MYT1L: variants seen among roughly 807,000 people sequenced by gnomAD.
MYT1L encodes the protein myelin transcription factor 1 like.
MYT1L carries 12 observed loss-of-function variants against 126.7 expected under a neutral mutation model. That is an observed-to-expected ratio of 0.09 (90% confidence interval 0.06 to 0.15). The LOEUF is 0.15. Ranked by LOEUF, MYT1L falls within the 10% of genes least tolerant of loss-of-function variation. MYT1L has a pLI of 1.00. For synonymous variants in MYT1L, 541 were observed against 604.2 expected, an observed-to-expected ratio of 0.90 and a Z score of 1.53; for missense variants, 979 against 1,585.2, an observed-to-expected ratio of 0.62 and a Z score of 6.49.
At chr2:2,074,683 C>G (rs1271486114) in intron 3 of MYT1L, among the ~76,000 whole-genome samples, 2 of 152,036 alleles carry the variant, frequency 1.3e-5, no homozygotes, top group African/African-American at 2.4e-5. Context: ...CTAAAATGAC[C>G]ATGAGATTAA....
intron 4 of MYT1L, among the ~76,000 whole-genome samples, chr2:2,017,058 G>A (rs895376261): frequency 6.6e-6 from 1 of 152,212 alleles, no homozygotes; most frequent in African/African-American, 2.4e-5. Flanking sequence ...CAGCCAGGTG[G>A]GGAGGCAGGC....
chr2:2,121,579 C>T (rs186319032), intron 3 of MYT1L, among the ~76,000 whole-genome samples: 1,851 of 152,066 alleles, frequency 0.012, 43 homozygotes, highest in African/African-American at 0.041. Flanking sequence ...CTCCGCCTTC[C>T]GGGTTCAAGC....
intron 2 of MYT1L, among the ~76,000 whole-genome samples, chr2:2,187,541 C>G (rs773904874): frequency 6.6e-6 from 1 of 151,626 alleles, no homozygotes; most frequent in Non-Finnish European, 1.5e-5. Context: ...GCCTCGCCCC[C>G]GTGGAAAGGA....
At chr2:2,257,212 T>C (rs1158430670) in intron 2 of MYT1L, among the ~76,000 whole-genome samples, 1 of 152,072 alleles carries the variant, frequency 6.6e-6, no homozygotes, top group Non-Finnish European at 1.5e-5. Context: ...AGTAGGACCC[T>C]CTGGATACCT....
In MYT1L at chr2:2,030,859, T is replaced by C. The variant is rs114765333; in HGVS notation, c.-158+23119A>G. 3.1e-3 allele frequency among the ~76,000 whole-genome samples: 475 copies of C among 152,332 alleles called. 4 individuals carry two copies. Among genetic ancestry groups the C allele is most frequent in the African/African-American group, 0.011 (462 of 41,584 alleles). ...ACTTCTAACTAGAATGACTGTAAAA[T>C]TTGGTGCTCATATATACTCAGTCTA... is the stretch of plus-strand genomic sequence containing the variant. On this transcript the variant is annotated intron_variant, in intron 4 of 24. Transcript: ENST00000647738.
At chr2:1,983,179 G>A (rs188015212) in intron 5 of MYT1L, among the ~76,000 whole-genome samples, 5 of 152,126 alleles carry the variant, frequency 3.3e-5, no homozygotes, top group South Asian at 2.1e-4. Context: ...TCCCTCCTCC[G>A]TCGGTTCCTT....
intron 2 of MYT1L, among the ~76,000 whole-genome samples, chr2:2,264,614 G>T (rs762484972): frequency 1.7e-4 from 26 of 152,148 alleles, no homozygotes; most frequent in Non-Finnish European, 3.2e-4. Flanking sequence ...AAGCTGCTCA[G>T]AGCCATGGTG....
At chr2:2,146,811 T>C (rs909344221) in intron 3 of MYT1L, among the ~76,000 whole-genome samples, 17 of 152,354 alleles carry the variant, frequency 1.1e-4, no homozygotes, top group African/African-American at 4.1e-4. Flanking sequence ...GCAGTCACTT[T>C]ACAATGCATC....
In MYT1L at chr2:2,017,726, C is replaced by CTCCATCCA. The variant is rs146462005; in HGVS notation, c.-157-20387_-157-20380dup. 9.3e-3 allele frequency among the ~76,000 whole-genome samples: 1,414 copies of CTCCATCCA among 151,962 alleles called. 7 individuals are homozygous for CTCCATCCA. The highest frequency in any genetic ancestry group is 0.025 in the African/African-American group (1,048 of 41,408). ...TATCTATCTATCTAACCATCCATCC[C>CTCCATCCA]TCCATCCATCCATCCATCCATCCAT... On this transcript the variant is annotated intron_variant, in intron 4 of 24. Transcript: ENST00000647738.
intron 4 of MYT1L, among the ~76,000 whole-genome samples, chr2:2,032,958 C>A (rs1168237098): frequency 6.9e-6 from 1 of 144,900 alleles, no homozygotes; most frequent in Non-Finnish European, 1.5e-5. Context: ...ACCCTGTGGC[C>A]CAGAGCAGAT....
chr2:1,914,543 C>G (rs568276327), intron 11 of MYT1L, among the ~76,000 whole-genome samples: 2 of 152,254 alleles, frequency 1.3e-5, no homozygotes, highest in South Asian at 4.1e-4. Flanking sequence ...GCCACCTCTG[C>G]ACCTGACCTC....
At chr2:2,161,211 TCAAACAAAA>T (rs1445051245) in intron 3 of MYT1L, among the ~76,000 whole-genome samples, 2 of 152,166 alleles carry the variant, frequency 1.3e-5, no homozygotes, top group Admixed American at 6.5e-5. Flanking sequence ...AGACTCCATC[TCAAACAAAA>T]CAAAACAAAA....
chr2:2,291,152 G>A (rs536888256), intron 1 of MYT1L, among the ~76,000 whole-genome samples: 1 of 152,110 alleles, frequency 6.6e-6, no homozygotes, highest in East Asian at 1.9e-4. Flanking sequence ...AGAACCCTGA[G>A]ACAAAGCACA....
chr2:2,293,111 G>A (rs1167549862), intron 1 of MYT1L, among the ~76,000 whole-genome samples: 1 of 152,230 alleles, frequency 6.6e-6, no homozygotes, highest in Admixed American at 6.5e-5. Flanking sequence ...TGGAGCCAGA[G>A]GGTCCCAGCT....
At chr2:1,876,896 G>A (rs970597214) in intron 18 of MYT1L, among the ~76,000 whole-genome samples, 15 of 152,284 alleles carry the variant, frequency 9.9e-5, no homozygotes, top group East Asian at 3.9e-4. Context: ...TGTGTCCGCC[G>A]TCTCCCCAAA....
intron 18 of MYT1L, among the ~76,000 whole-genome samples, chr2:1,853,696 C>T (rs1479940867): frequency 6.6e-6 from 1 of 152,202 alleles, no homozygotes; most frequent in African/African-American, 2.4e-5. Context: ...GAAAAAGATT[C>T]TTAAACTTTC....
Position 1,887,466 on chromosome 2 carries a change from T to G in MYT1L, c.2642+22A>C, listed in dbSNP as rs775653710. Reference sequence around the variant, plus strand: ...ATGGGAAGATTAAGAAGATTCATAATTTCACCTCACAGCATGCTTACGTTA... The same window carrying G: ...ATGGGAAGATTAAGAAGATTCATAAGTTCACCTCACAGCATGCTTACGTTA... On this transcript the variant is annotated intron_variant, in intron 17 of 24. Transcript: ENST00000647738. The surrounding 1 kb of genome is among the most constrained non-coding windows in gnomAD (Gnocchi z 4.8). 4 of 1,613,854 alleles carry G rather than the reference T, an allele frequency of 2.5e-6. No individual in the cohort carries two copies. The highest frequency in any genetic ancestry group is 3.4e-6 in the Non-Finnish European group (4 of 1,179,878).
intron 1 of MYT1L, among the ~76,000 whole-genome samples, chr2:2,327,468 TA>T (rs1453149589): frequency 6.6e-6 from 1 of 151,674 alleles, no homozygotes; most frequent in Non-Finnish European, 1.5e-5. Context: ...ACTTTTCAAA[TA>T]AAAAAGAAGA....
At chr2:2,105,964 C>T (rs1216854745) in intron 3 of MYT1L, among the ~76,000 whole-genome samples, 2 of 152,066 alleles carry the variant, frequency 1.3e-5, no homozygotes, top group African/African-American at 4.8e-5. Flanking sequence ...TTAGGATAAC[C>T]AGGGACTGTG....
Sources: gnomAD v4.1 joint callset for allele counts (sites outside exome capture counted in the v4.1 genomes callset) on GRCh38, gnomAD v4.1.1 for gene constraint, Gnocchi (gnomAD v3.1) non-coding constraint, MANE v1.5 for transcripts, NCBI Gene and HGNC (gene_info 2026-07-23, HGNC 2026-07-21) for gene names.